Variants in ABHD2 observed in about 807,000 individuals in gnomAD.
The protein encoded by ABHD2 is abhydrolase domain containing 2, acylglycerol lipase.
Under a neutral mutation model 48.1 loss-of-function variants are expected in ABHD2, and 20 were observed. The observed-to-expected ratio is 0.42, with a 90% CI of 0.29 to 0.60. The LOEUF is 0.60. Ranked by LOEUF, ABHD2 falls within the 20% of genes least tolerant of loss-of-function variation. The probability of loss-of-function intolerance (pLI) is 0.24; values close to 1 mark genes in which losing one functional copy is unlikely to be tolerated. For missense variants in ABHD2, 405 were observed against 550.9 expected (o/e 0.74, Z 2.65); for synonymous variants, 209 against 214.2 (o/e 0.98, Z 0.21).
chr15:89,098,812 G>A (rs1329713773), intron 1 of ABHD2, among the ~76,000 whole-genome samples: 4 of 152,160 alleles, frequency 2.6e-5, no homozygotes, highest in Non-Finnish European at 5.9e-5. Context: ...AATTCTGGAT[G>A]TTGCACTGAC....
Position 89,176,050 on chromosome 15 carries a change from T to A in ABHD2, c.722+55T>A, listed in dbSNP as rs2051007578. 2 of 1,500,622 alleles carry A rather than the reference T, an allele frequency of 1.3e-6. No homozygotes were observed. The highest frequency in any genetic ancestry group is 2.6e-5 in the South Asian group (2 of 77,848). The allele number at this position is 1,500,622 out of a possible 1,614,324, so 93.0% of individuals were successfully genotyped here. On this transcript the variant is annotated intron_variant, in intron 6 of 10. Coordinates refer to ENST00000352732, the MANE Select transcript of ABHD2 (RefSeq NM_152924.5). This position sits in a 1 kb window ranked among gnomAD's most constrained non-coding sequence, Gnocchi z 4.5. ...TTCAGTTAGCCCTTATTTATAGAGA[T>A]GCCCCGACGCACAACACACTGTTCT...
chr15:89,140,381 C>T (rs1344686508), intron 3 of ABHD2, among the ~76,000 whole-genome samples: 1 of 152,128 alleles, frequency 6.6e-6, no homozygotes, highest in Non-Finnish European at 1.5e-5. Flanking sequence ...CCAGCAAAAA[C>T]ACTTCTCTGT....
At chr15:89,081,077 G>A in the ABHD2 span, among the ~76,000 whole-genome samples, 2 of 149,384 alleles carry the variant, frequency 1.3e-5, no homozygotes, top group East Asian at 1.9e-4. Context: ...ACAGTTCACT[G>A]CAACCTCAAC....
chr15:89,047,854 T>C, the ABHD2 span, among the ~76,000 whole-genome samples: 2 of 146,454 alleles, frequency 1.4e-5, no homozygotes, highest in African/African-American at 5.2e-5. Flanking sequence ...TTTATCCAAT[T>C]TGCCAGTCTG....
chr15:89,144,548 A>G (rs2050461322), intron 3 of ABHD2, among the ~76,000 whole-genome samples: 2 of 152,270 alleles, frequency 1.3e-5, no homozygotes, highest in East Asian at 1.9e-4. Context: ...TGCAGCATGG[A>G]TGACTCTCAA....
At position 89,196,222 on chromosome 15, in the gene ABHD2, A is replaced by C. The variant is rs1223066891; in HGVS notation, c.*799A>C. ...ACATCTTTGCAGCTCGTTTTATTGA[A>C]ATTCATAATCAGGGGTGTCCTCTAG... is the stretch of plus-strand genomic sequence containing the variant. On this transcript the variant is annotated 3_prime_UTR_variant, in exon 11 of 11. Transcript: ENST00000352732. 6.6e-6 allele frequency: 1 copy of C among 152,162 alleles called. No homozygotes were observed. The highest frequency in any genetic ancestry group is 1.5e-5 in the Non-Finnish European group (1 of 68,042). The allele number at this position is 152,162 out of a possible 1,614,324, so 9.4% of individuals were successfully genotyped here. A position where few individuals can be genotyped will look rare whatever the true frequency, so the allele number is the denominator to read the frequency against.
chr15:89,043,673 G>A, the ABHD2 span, among the ~76,000 whole-genome samples: 1 of 132,112 alleles, frequency 7.6e-6, no homozygotes, highest in South Asian at 2.8e-4. Context: ...AGAGGGAGGA[G>A]GAGAAGGAGG....
Position 89,146,460 on chromosome 15 carries a change from A to G in ABHD2, c.195-5217A>G, listed in dbSNP as rs891307886. 2.6e-5 allele frequency among the ~76,000 whole-genome samples: 4 copies of G among 151,256 alleles called. No homozygotes were observed. The highest frequency in any genetic ancestry group is 7.3e-5 in the African/African-American group (3 of 41,086). On this transcript the variant is annotated intron_variant, in intron 3 of 10. Transcript: ENST00000352732. The surrounding 1 kb of genome is among the most constrained non-coding windows in gnomAD (Gnocchi z 4.2). ...CCCTTGTGGTCTTTCCCACTGACCA[A>G]TTCTCTTAGTAAGCCAGATGTCGAT...
the ABHD2 span, among the ~76,000 whole-genome samples, chr15:89,054,764 CAA>C: frequency 6.6e-6 from 1 of 151,940 alleles, no homozygotes; most frequent in Admixed American, 6.6e-5. Context: ...TATTCTTTCT[CAA>C]AGTCTTTTAT....
chr15:89,112,860 A>C (rs909698584), intron 1 of ABHD2, among the ~76,000 whole-genome samples: 1 of 152,178 alleles, frequency 6.6e-6, no homozygotes, highest in Non-Finnish European at 1.5e-5. Context: ...GCTGTATGAC[A>C]CTGGGAAAGT....
chr15:89,095,095 G>T (rs1197953597), intron 1 of ABHD2, among the ~76,000 whole-genome samples: 1 of 149,164 alleles, frequency 6.7e-6, no homozygotes, highest in Non-Finnish European at 1.5e-5. Flanking sequence ...AGATATTTTA[G>T]CACCAAAAAT....
At chr15:89,098,513 C>A (rs1418800058) in intron 1 of ABHD2, among the ~76,000 whole-genome samples, 4 of 152,154 alleles carry the variant, frequency 2.6e-5, no homozygotes, top group Admixed American at 2.0e-4. Flanking sequence ...AGCTTCCAAC[C>A]CCTTCCAGCT....
intron 7 of ABHD2, among the ~76,000 whole-genome samples, chr15:89,187,962 A>G (rs948770465): frequency 2.0e-5 from 3 of 152,148 alleles, no homozygotes; most frequent in Non-Finnish European, 4.4e-5. Flanking sequence ...TTAATATTCA[A>G]CTAGGTTCAA....
At chr15:89,057,876 CA>C in the ABHD2 span, among the ~76,000 whole-genome samples, 2 of 152,130 alleles carry the variant, frequency 1.3e-5, no homozygotes, top group Non-Finnish European at 2.9e-5. Context: ...CACCGTGAGT[CA>C]AAACTTTAGT....
chr15:89,155,327 A>G lies in ABHD2; in HGVS notation c.371-40A>G, dbSNP rs1265306274. On this transcript the variant is annotated intron_variant, in intron 4 of 10. Transcript: ENST00000352732. This position sits in a 1 kb window ranked among gnomAD's most constrained non-coding sequence, Gnocchi z 4.9. ...TAATTATGTCCATTTATCATGTCAC[A>G]TTTCTTGGATACATCAGGATCTCTT... The G allele has an allele frequency of 1.3e-6, 2 of 1,587,206 alleles. No individual in the cohort carries two copies. The highest frequency in any genetic ancestry group is 1.7e-6 in the Non-Finnish European group (2 of 1,159,564).
At chr15:89,150,290 T>C (rs1432156622) in intron 3 of ABHD2, among the ~76,000 whole-genome samples, 2 of 152,238 alleles carry the variant, frequency 1.3e-5, no homozygotes, top group African/African-American at 4.8e-5. Flanking sequence ...CAAAACTTAT[T>C]ATCTAACTTG....
At chr15:89,190,999 A>T in intron 8 of ABHD2, 81 bp from the exon 9 acceptor site, 1 of 1,393,056 alleles carries the variant, frequency 7.2e-7, no homozygotes, top group South Asian at 1.2e-5. Context: ...GAGGAACTGG[A>T]GCCATCGTCG....
At chr15:89,081,166 ATTTTTTT>A in the ABHD2 span, among the ~76,000 whole-genome samples, 4 of 115,302 alleles carry the variant, frequency 3.5e-5, no homozygotes, top group South Asian at 2.7e-4. Flanking sequence ...TGCCCAGCTA[ATTTTTTT>A]TTTTTTTTTT....
chr15:89,082,315 C>G, the ABHD2 span, among the ~76,000 whole-genome samples: 1 of 152,200 alleles, frequency 6.6e-6, no homozygotes, highest in African/African-American at 2.4e-5. This position sits in a 1 kb window ranked among gnomAD's most constrained non-coding sequence, Gnocchi z 4.4. Flanking sequence ...GATGTTTGCT[C>G]TGCAACTATG....
Sources: gnomAD v4.1 joint callset for allele counts (sites outside exome capture counted in the v4.1 genomes callset) on GRCh38, gnomAD v4.1.1 for gene constraint, Gnocchi (gnomAD v3.1) non-coding constraint, MANE v1.5 for transcripts, NCBI Gene and HGNC (gene_info 2026-07-23, HGNC 2026-07-21) for gene names.